Variants in GRM8 observed in about 807,000 individuals in gnomAD.
The protein encoded by GRM8 is metabotropic glutamate receptor 8.
In GRM8, 47 loss-of-function variants were observed where a neutral mutation model predicts 87.2. That is an observed-to-expected ratio of 0.54 (90% confidence interval 0.43 to 0.69). The LOEUF is 0.69. Ranked by LOEUF, GRM8 falls within the 30% of genes least tolerant of loss-of-function variation. The probability of loss-of-function intolerance (pLI) is 0.00; values close to 1 mark genes in which losing one functional copy is unlikely to be tolerated. For synonymous variants in GRM8, 396 were observed against 404.5 expected (o/e 0.98, Z 0.25); for missense variants, 1,019 against 1,139.2 (o/e 0.89, Z 1.52).
chr7:126,444,522 C>A (rs940693070), intron 10 of GRM8, among the ~76,000 whole-genome samples: 1 of 151,920 alleles, frequency 6.6e-6, no homozygotes, highest in African/African-American at 2.4e-5. Flanking sequence ...TATTGGTGAC[C>A]CGAAGATAAT....
chr7:126,524,111 T>C lies in GRM8; in HGVS notation c.2430+8841A>G, dbSNP rs368887840. Reference sequence around the variant, plus strand: ...TGGTTTTTAAAGGATTATGGATATATATGAATATATTGTGAATATATTAAC... The same window carrying C: ...TGGTTTTTAAAGGATTATGGATATACATGAATATATTGTGAATATATTAAC... On this transcript the variant is annotated intron_variant, in intron 9 of 10. Transcript: ENST00000339582. Among the ~76,000 whole-genome samples, 16 of 152,280 alleles carry C rather than the reference T, an allele frequency of 1.1e-4. No individual in the cohort carries two copies. In the East Asian group the frequency reaches 3.1e-3, roughly 29 times the overall value.
intron 7 of GRM8, among the ~76,000 whole-genome samples, chr7:126,632,104 A>G (rs1801349419): frequency 6.6e-6 from 1 of 152,172 alleles, no homozygotes; most frequent in Admixed American, 6.6e-5. Flanking sequence ...AACCCACAGA[A>G]TGGGAGAAAA....
chr7:126,457,909 C>T (rs1412191771), intron 9 of GRM8, among the ~76,000 whole-genome samples: 1 of 146,624 alleles, frequency 6.8e-6, no homozygotes, highest in African/African-American at 2.5e-5. Context: ...ACCAAGAAAA[C>T]AAGAAACAAG....
chr7:127,030,716 T>G (rs776162076), intron 3 of GRM8, among the ~76,000 whole-genome samples: 8 of 152,082 alleles, frequency 5.3e-5, no homozygotes, highest in South Asian at 2.1e-4. Context: ...TACTGGTAGT[T>G]CAAAATAAAA....
chr7:127,248,977 G>A (rs1798722270), intron 1 of GRM8, among the ~76,000 whole-genome samples: 1 of 152,236 alleles, frequency 6.6e-6, no homozygotes, highest in Non-Finnish European at 1.5e-5. Flanking sequence ...TCTGAAGAAA[G>A]TGGTGACAAG....
intron 3 of GRM8, among the ~76,000 whole-genome samples, chr7:126,909,965 A>C (rs1364107328): frequency 1.3e-5 from 2 of 152,130 alleles, no homozygotes; most frequent in African/African-American, 4.8e-5. Flanking sequence ...TAGTGACTGC[A>C]AATGATTGAT....
chr7:127,247,587 G>A (rs966735876), intron 1 of GRM8, among the ~76,000 whole-genome samples: 1 of 152,094 alleles, frequency 6.6e-6, no homozygotes, highest in Non-Finnish European at 1.5e-5. Flanking sequence ...ATGGATTCTT[G>A]GTGGGGCAGA....
At chr7:126,593,450 A>C (rs1193027888) in intron 8 of GRM8, among the ~76,000 whole-genome samples, 2 of 152,022 alleles carry the variant, frequency 1.3e-5, no homozygotes, top group African/African-American at 4.8e-5. Flanking sequence ...AAATCCATAC[A>C]TTTACAGCAA....
In GRM8 at chr7:126,472,694, A is replaced by T. The variant is rs1805421914; in HGVS notation, c.2431-26322T>A. ...GTTCACTGCCACGACAATGGGGAAAATGTCTCCCGAGCATGTCAGAGGTCT... is the reference window on the plus strand; with the variant it reads ...GTTCACTGCCACGACAATGGGGAAATTGTCTCCCGAGCATGTCAGAGGTCT... On this transcript the variant is annotated intron_variant, in intron 9 of 10. Transcript: ENST00000339582. Among the ~76,000 whole-genome samples, 8 of 152,250 alleles carry T rather than the reference A, an allele frequency of 5.3e-5. No individual in the cohort carries two copies. The South Asian group carries it at 1.7e-3, about 32-fold the overall frequency.
At chr7:126,849,121 C>T (rs1236709839) in intron 6 of GRM8, among the ~76,000 whole-genome samples, 1 of 151,984 alleles carries the variant, frequency 6.6e-6, no homozygotes, top group East Asian at 1.9e-4. Context: ...ACTCCCACAA[C>T]ACATGGGAAT....
At chr7:126,813,196 G>C (rs1793464608) in intron 6 of GRM8, among the ~76,000 whole-genome samples, 1 of 152,026 alleles carries the variant, frequency 6.6e-6, no homozygotes, top group East Asian at 1.9e-4. Context: ...TTCCTAGGGA[G>C]GTGACTATTA....
At chr7:127,208,664 T>C (rs1443074373) in intron 2 of GRM8, among the ~76,000 whole-genome samples, 1 of 152,152 alleles carries the variant, frequency 6.6e-6, no homozygotes, top group Non-Finnish European at 1.5e-5. Flanking sequence ...TACATGTCAT[T>C]AGAAAGCTTT....
At chr7:127,200,216 G>T (rs948056044) in intron 2 of GRM8, among the ~76,000 whole-genome samples, 1 of 152,118 alleles carries the variant, frequency 6.6e-6, no homozygotes, top group Non-Finnish European at 1.5e-5. Context: ...AAAGGGATGG[G>T]ATTGACTAAT....
intron 8 of GRM8, among the ~76,000 whole-genome samples, chr7:126,567,895 G>A (rs1001351796): frequency 1.3e-5 from 2 of 152,078 alleles, no homozygotes; most frequent in African/African-American, 2.4e-5. Flanking sequence ...TACAGTGGAG[G>A]ATGTAAGGGG....
chr7:126,775,540 A>G (rs974393661), intron 6 of GRM8, among the ~76,000 whole-genome samples: 2 of 139,412 alleles, frequency 1.4e-5, no homozygotes, highest in African/African-American at 5.6e-5. Flanking sequence ...GTTCCAGGAT[A>G]CAATAGGGGG....
chr7:127,226,596 C>G (rs1208615775), intron 2 of GRM8, among the ~76,000 whole-genome samples: 1 of 152,178 alleles, frequency 6.6e-6, no homozygotes, highest in Non-Finnish European at 1.5e-5. Context: ...AAGAGCAGAA[C>G]TGGCACTTGT....
At chr7:127,239,210 A>G (rs955030257) in intron 2 of GRM8, among the ~76,000 whole-genome samples, 2 of 152,244 alleles carry the variant, frequency 1.3e-5, no homozygotes, top group Non-Finnish European at 2.9e-5. Context: ...AAGGAAACTG[A>G]GACATTTAGG....
At chr7:126,475,763 C>CA (rs772145437) in intron 9 of GRM8, among the ~76,000 whole-genome samples, 4 of 152,048 alleles carry the variant, frequency 2.6e-5, no homozygotes, top group Non-Finnish European at 5.9e-5. Flanking sequence ...CAAATAAAAA[C>CA]AGACTTATAG....
intron 2 of GRM8, among the ~76,000 whole-genome samples, chr7:127,137,754 T>C (rs1828024448): frequency 6.6e-6 from 1 of 152,168 alleles, no homozygotes; most frequent in South Asian, 2.1e-4. Context: ...TCCTGAATAC[T>C]AGGTGAATTT....
Sources: allele counts gnomAD v4.1 joint callset (sites outside exome capture counted in the v4.1 genomes callset), GRCh38; gene constraint gnomAD v4.1.1; transcripts MANE v1.5; gene names NCBI Gene and HGNC (gene_info 2026-07-23, HGNC 2026-07-21).